LINC00305: variants seen among roughly 807,000 people sequenced by gnomAD.
LINC00305 encodes long intergenic non-protein coding RNA 305.
In LINC00305 at chr18:64,143,683, TCC is replaced by T. The variant is rs1568120224; in HGVS notation, n.314+5090_314+5091del. Among the ~76,000 whole-genome samples the T allele has an allele frequency of 1.4e-4, 21 of 149,102 alleles. 2 individuals are homozygous for T. Among genetic ancestry groups the T allele is most frequent in the South Asian group, 6.3e-4 (3 of 4,754 alleles). On this transcript the variant is annotated intron_variant and non_coding_transcript_variant, in intron 1 of 3. Transcript: ENST00000666468. ...CACGTATTATGTATACATATGTATG[TCC>T]ACATATTATGCGTACATGTATGTCC... is the stretch of plus-strand genomic sequence containing the variant.
At chr18:64,135,721 G>T (rs77946532) in intron 1 of LINC00305, among the ~76,000 whole-genome samples, 1 of 152,128 alleles carries the variant, frequency 6.6e-6, no homozygotes, top group Non-Finnish European at 1.5e-5. Context: ...GAGTAGCTGG[G>T]ATTACAGGCT....
rs376727972 is a variant in LINC00305 at position 64,088,131 on chromosome 18, C to T, written n.541-7729G>A. 3.3e-5 allele frequency among the ~76,000 whole-genome samples: 5 copies of T among 151,208 alleles called. No individual in the cohort carries two copies. The South Asian group carries it at 8.3e-4, about 25-fold the overall frequency. ...CTCCAGCCTGGGCGACAGAGCGAGA[C>T]TCCGTATCAGGAAAAAAAAAAAAGA... On this transcript the variant is annotated intron_variant and non_coding_transcript_variant, in intron 3 of 3. Coordinates refer to ENST00000666468, the Ensembl canonical transcript of LINC00305.
intron 3 of LINC00305, among the ~76,000 whole-genome samples, chr18:64,095,245 G>A (rs958234434): frequency 2.6e-5 from 4 of 152,282 alleles, no homozygotes; most frequent in African/African-American, 9.6e-5. Flanking sequence ...GCAAGCATGA[G>A]GCTAGGAGAG....
intron 3 of LINC00305, among the ~76,000 whole-genome samples, chr18:64,085,285 C>T (rs2051199125): frequency 1.3e-5 from 2 of 152,154 alleles, no homozygotes; most frequent in South Asian, 2.1e-4. Flanking sequence ...TTGAATCCTA[C>T]TCATTCTTCT....
At chr18:64,092,262 G>A (rs2051227526) in intron 3 of LINC00305, among the ~76,000 whole-genome samples, 1 of 152,144 alleles carries the variant, frequency 6.6e-6, no homozygotes, top group Admixed American at 6.5e-5. Flanking sequence ...GTTATGGTTT[G>A]TAAAACATTT....
intron 1 of LINC00305, among the ~76,000 whole-genome samples, chr18:64,126,291 A>T (rs1016656999): frequency 6.6e-6 from 1 of 151,992 alleles, no homozygotes; most frequent in African/African-American, 2.4e-5. Flanking sequence ...ATTATAAGTG[A>T]TTTCAATTCC....
At chr18:64,144,225 A>G (rs138670548) in intron 1 of LINC00305, among the ~76,000 whole-genome samples, 1 of 152,150 alleles carries the variant, frequency 6.6e-6, no homozygotes, top group Non-Finnish European at 1.5e-5. Context: ...TTTATGCTCT[A>G]TAGAATTAGG....
At chr18:64,113,333 A>G (rs924324420) in intron 1 of LINC00305, among the ~76,000 whole-genome samples, 2 of 152,250 alleles carry the variant, frequency 1.3e-5, no homozygotes, top group Admixed American at 6.5e-5. Context: ...TCTGAGTAAA[A>G]AGCAGAAAAA....
At chr18:64,099,796 G>A (rs751679476) in intron 1 of LINC00305, among the ~76,000 whole-genome samples, 25 of 152,136 alleles carry the variant, frequency 1.6e-4, no homozygotes, top group Non-Finnish European at 2.6e-4. Flanking sequence ...CAAGTTGTGA[G>A]TTGCCCTTTC....
Position 64,090,464 on chromosome 18 carries a change from A to G in LINC00305, n.540+7370T>C, listed in dbSNP as rs1352466548. Among the ~76,000 whole-genome samples, 3 of 152,198 alleles carry G rather than the reference A, an allele frequency of 2.0e-5. No homozygotes were observed. The East Asian group carries it at 5.8e-4, about 29-fold the overall frequency. On this transcript the variant is annotated intron_variant and non_coding_transcript_variant, in intron 3 of 3. Coordinates refer to ENST00000666468, the Ensembl canonical transcript of LINC00305. ...AGTTTCTGTAATCTGTGCTACTATCAATAGTGCTAATGGTGATTTTTATGA... is the reference window on the plus strand; with the variant it reads ...AGTTTCTGTAATCTGTGCTACTATCGATAGTGCTAATGGTGATTTTTATGA...
chr18:64,087,289 A>G (rs1190795380), intron 3 of LINC00305, among the ~76,000 whole-genome samples: 1 of 152,206 alleles, frequency 6.6e-6, no homozygotes, highest in Non-Finnish European at 1.5e-5. Context: ...ATTATTATGC[A>G]TCATATTGCA....
chr18:64,087,148 T>C (rs1316122761), intron 3 of LINC00305, among the ~76,000 whole-genome samples: 1 of 152,194 alleles, frequency 6.6e-6, no homozygotes, highest in African/African-American at 2.4e-5. Flanking sequence ...GTAAGGCAAA[T>C]ACACTTGGGT....
intron 1 of LINC00305, among the ~76,000 whole-genome samples, chr18:64,143,577 T>TACAC (rs2051477243): frequency 1.0e-4 from 1 of 9,652 alleles, no homozygotes; most frequent in African/African-American, 2.8e-4. Flanking sequence ...TACACATATG[T>TACAC]ATATGTACAT....
chr18:64,142,693 T>C (rs1323747287), intron 1 of LINC00305, among the ~76,000 whole-genome samples: 1 of 152,068 alleles, frequency 6.6e-6, no homozygotes, highest in African/African-American at 2.4e-5. Context: ...ATTCCACTCT[T>C]GTATATACAC....
intron 1 of LINC00305, among the ~76,000 whole-genome samples, chr18:64,126,805 A>G: frequency 6.6e-6 from 1 of 152,162 alleles, no homozygotes; most frequent in East Asian, 1.9e-4. Flanking sequence ...AGATCTCTCC[A>G]AATAACTACT....
chr18:64,123,792 T>A (rs2051372619), intron 1 of LINC00305, among the ~76,000 whole-genome samples: 1 of 152,098 alleles, frequency 6.6e-6, no homozygotes, highest in Non-Finnish European at 1.5e-5. Context: ...TTGGGTCATG[T>A]GGGTGGATTA....
chr18:64,121,212 A>G (rs2051360390), intron 1 of LINC00305, among the ~76,000 whole-genome samples: 1 of 152,074 alleles, frequency 6.6e-6, no homozygotes, highest in Admixed American at 6.6e-5. Flanking sequence ...TTAAATTTGT[A>G]TAAATTTATG....
At chr18:64,131,487 A>T (rs997762767) in intron 1 of LINC00305, among the ~76,000 whole-genome samples, 1 of 152,200 alleles carries the variant, frequency 6.6e-6, no homozygotes, top group African/African-American at 2.4e-5. Context: ...GCAGGAGAGA[A>T]ATGATAAATC....
chr18:64,137,209 G>T (rs928205560), intron 1 of LINC00305, among the ~76,000 whole-genome samples: 2 of 152,166 alleles, frequency 1.3e-5, no homozygotes, highest in African/African-American at 4.8e-5. Flanking sequence ...CAGTCCAGGG[G>T]ACAGCAAGCA....
Sources: gnomAD v4.1 joint callset for allele counts (sites outside exome capture counted in the v4.1 genomes callset) on GRCh38, gnomAD v4.1.1 for gene constraint, MANE v1.5 for transcripts, NCBI Gene and HGNC (gene_info 2026-07-23, HGNC 2026-07-21) for gene names.